The following ABCD3 variants were observed in gnomAD, a reference collection of about 807,000 sequenced individuals.
ABCD3 encodes the protein ATP binding cassette subfamily D member 3.
ABCD3 carries 41 observed loss-of-function variants against 105.5 expected under a neutral mutation model. The observed-to-expected ratio is 0.39, with a 90% CI of 0.30 to 0.50. The LOEUF is 0.50. Among genes scored for constraint, ABCD3 ranks in the 20% least tolerant of loss-of-function variants. The pLI is 0.84. For synonymous variants in ABCD3, 258 were observed against 269.0 expected (o/e 0.96, Z 0.40); for missense variants, 622 against 806.3 (o/e 0.77, Z 2.77).
At chr1:94,463,163 G>A (rs527513892) in intron 2 of ABCD3, among the ~76,000 whole-genome samples, 1 of 152,306 alleles carries the variant, frequency 6.6e-6, no homozygotes, top group Admixed American at 6.5e-5. Context: ...TCAGTAGGAT[G>A]AGGTTTGCAA....
chr1:94,476,792 T>A (rs2100999034), intron 7 of ABCD3, among the ~76,000 whole-genome samples: 1 of 152,250 alleles, frequency 6.6e-6, no homozygotes, highest in East Asian at 1.9e-4. Flanking sequence ...TGCTAACTGA[T>A]CCCAAACTCG....
At position 94,418,424 on chromosome 1, in the gene ABCD3, C is replaced by T; in HGVS notation, c.-55C>T. The T allele has an allele frequency of 2.6e-6, 3 of 1,133,876 alleles. No homozygotes were observed. The highest frequency in any genetic ancestry group is 1.5e-5 in the South Asian group (1 of 68,938). 70.2% of individuals were successfully genotyped at this position (1,133,876 alleles called of 1,614,324 possible). A position where few individuals can be genotyped will look rare whatever the true frequency, so the allele number is the denominator to read the frequency against. On this transcript the variant is annotated 5_prime_UTR_variant, in exon 1 of 23. Coordinates refer to ENST00000370214, the MANE Select transcript of ABCD3 (RefSeq NM_002858.4). ...CCCGCGCTGCGTGCAGTAAGGTAGC[C>T]GCCGCCGCCGCCGCCGCCGCGTCCC...
the ABCD3 span, among the ~76,000 whole-genome samples, chr1:94,390,791 C>T: frequency 5.3e-5 from 8 of 152,134 alleles, no homozygotes; most frequent in South Asian, 2.1e-4. Flanking sequence ...ATCCATATCC[C>T]GACAGCACAT....
At chr1:94,429,158 T>C (rs1205343573) in intron 1 of ABCD3, among the ~76,000 whole-genome samples, 2 of 152,166 alleles carry the variant, frequency 1.3e-5, no homozygotes, top group African/African-American at 4.8e-5. Flanking sequence ...TGTGGAACTT[T>C]GAACTTGAGA....
At chr1:94,412,352 A>G in the ABCD3 span, among the ~76,000 whole-genome samples, 1 of 152,172 alleles carries the variant, frequency 6.6e-6, no homozygotes, top group Non-Finnish European at 1.5e-5. Flanking sequence ...GCAAATAAGT[A>G]TATATTACTT....
At chr1:94,454,888 G>A (rs144709555) in intron 1 of ABCD3, among the ~76,000 whole-genome samples, 12,047 of 152,236 alleles carry the variant, frequency 0.079, 638 homozygotes, top group South Asian at 0.16. Flanking sequence ...CTGACCTCAA[G>A]CGATCCACTA....
chr1:94,465,545 G>T lies in ABCD3; in HGVS notation c.246+672G>T, dbSNP rs547352141. Among the ~76,000 whole-genome samples, 3 of 152,160 alleles carry T rather than the reference G, an allele frequency of 2.0e-5. No individual in the cohort carries two copies. The East Asian group carries it at 5.8e-4, about 29-fold the overall frequency. On this transcript the variant is annotated intron_variant, in intron 3 of 22. Coordinates refer to ENST00000370214, the MANE Select transcript of ABCD3 (RefSeq NM_002858.4). ...CTGCCATACAGCTACCCTAAATGGT[G>T]TTGCTTTGTTATAGTTAAATACTGT...
chr1:94,490,782 C>T (rs1018710350), intron 15 of ABCD3, among the ~76,000 whole-genome samples: 4 of 151,932 alleles, frequency 2.6e-5, no homozygotes, highest in Non-Finnish European at 5.9e-5. Context: ...GGAAATGTTC[C>T]CAGAAGTGGG....
upstream of ABCD3, among the ~76,000 whole-genome samples, chr1:94,413,928 G>C (rs1658957578): frequency 6.6e-6 from 1 of 152,194 alleles, no homozygotes; most frequent in Admixed American, 6.5e-5. Flanking sequence ...ACAGATGACT[G>C]TTCAGAGTAG....
chr1:94,449,848 T>C (rs906673761), intron 1 of ABCD3, among the ~76,000 whole-genome samples: 2 of 152,314 alleles, frequency 1.3e-5, no homozygotes, highest in South Asian at 2.1e-4. Flanking sequence ...GAGTTCCTAT[T>C]ATCTGGAAAC....
At chr1:94,506,328 T>G (rs1438078447) in intron 20 of ABCD3, among the ~76,000 whole-genome samples, 1 of 152,190 alleles carries the variant, frequency 6.6e-6, no homozygotes, top group Admixed American at 6.6e-5. Flanking sequence ...GTATTTCCCA[T>G]GAAGTACGTT....
At chr1:94,415,646 A>T (rs1658985901), upstream of ABCD3, among the ~76,000 whole-genome samples, 1 of 113,220 alleles carries the variant, frequency 8.8e-6, no homozygotes, top group African/African-American at 3.2e-5. Context: ...CCAGTGCAGA[A>T]GTTCAGATAA....
intron 1 of ABCD3, among the ~76,000 whole-genome samples, chr1:94,425,497 C>G (rs1258476999): frequency 6.6e-6 from 1 of 152,110 alleles, no homozygotes; most frequent in Non-Finnish European, 1.5e-5. Context: ...TGTATTTTTG[C>G]AAGTGAACAT....
At chr1:94,456,448 T>A (rs1287929297) in intron 1 of ABCD3, among the ~76,000 whole-genome samples, 1 of 151,308 alleles carries the variant, frequency 6.6e-6, no homozygotes, top group Admixed American at 6.6e-5. Flanking sequence ...ACTATTTTTT[T>A]TTTTATTTTA....
intron 16 of ABCD3, among the ~76,000 whole-genome samples, chr1:94,495,351 C>G (rs1267861059): frequency 2.0e-5 from 3 of 151,866 alleles, no homozygotes; most frequent in Non-Finnish European, 4.4e-5. Flanking sequence ...TCTGAGAGCC[C>G]CAATAATACA....
At chr1:94,466,919 C>T (rs1486811423) in intron 3 of ABCD3, among the ~76,000 whole-genome samples, 9 of 152,112 alleles carry the variant, frequency 5.9e-5, no homozygotes, top group Admixed American at 3.3e-4. Context: ...ACTTCTATGT[C>T]ACTGTCTTAT....
intron 1 of ABCD3, among the ~76,000 whole-genome samples, chr1:94,452,283 T>G (rs1327740851): frequency 6.6e-6 from 1 of 152,216 alleles, no homozygotes; most frequent in African/African-American, 2.4e-5. Context: ...ATAAGTTGAT[T>G]GATGAAGAGT....
At chr1:94,433,925 G>A (rs187762834) in intron 1 of ABCD3, among the ~76,000 whole-genome samples, 276 of 152,062 alleles carry the variant, frequency 1.8e-3, no homozygotes, top group African/African-American at 6.5e-3. Flanking sequence ...CTGGGATTAT[G>A]GGTATGAGCC....
intron 21 of ABCD3, among the ~76,000 whole-genome samples, chr1:94,510,241 T>A (rs1045267560): frequency 2.6e-5 from 4 of 152,084 alleles, no homozygotes; most frequent in African/African-American, 9.7e-5. Flanking sequence ...CTTCATTTCG[T>A]TATGTACCCA....
Sources: allele counts gnomAD v4.1 joint callset (sites outside exome capture counted in the v4.1 genomes callset), GRCh38; gene constraint gnomAD v4.1.1; transcripts MANE v1.5; gene names NCBI Gene and HGNC (gene_info 2026-07-23, HGNC 2026-07-21).